The following CLVS1 variants were observed in gnomAD, a reference collection of about 807,000 sequenced individuals.
The protein encoded by CLVS1 is clavesin-1.
In CLVS1, 10 loss-of-function variants were observed where a neutral mutation model predicts 33.1. That is an observed-to-expected ratio of 0.30 (90% confidence interval 0.19 to 0.51). CLVS1 has a LOEUF of 0.51. Ranked by LOEUF, CLVS1 falls within the 20% of genes least tolerant of loss-of-function variation. The pLI is 0.97. For synonymous variants in CLVS1, 163 were observed against 166.1 expected (o/e 0.98, Z 0.14); for missense variants, 343 against 433.4 (o/e 0.79, Z 1.85).
chr8:61,022,903 A>C, the CLVS1 span, among the ~76,000 whole-genome samples: 2 of 152,066 alleles, frequency 1.3e-5, no homozygotes, highest in African/African-American at 4.8e-5. Flanking sequence ...ATCTGTGCAA[A>C]CACATAATGT....
chr8:61,190,753 C>T (rs1418371057), intron 2 of CLVS1, among the ~76,000 whole-genome samples: 1 of 152,162 alleles, frequency 6.6e-6, no homozygotes, highest in African/African-American at 2.4e-5. Flanking sequence ...GCCCTCTATG[C>T]AAATAAACTA....
At chr8:61,310,447 G>A (rs1395162372) in intron 2 of CLVS1, among the ~76,000 whole-genome samples, 5 of 152,180 alleles carry the variant, frequency 3.3e-5, no homozygotes, top group Admixed American at 6.5e-5. Flanking sequence ...ACACTGTGCT[G>A]CACAGCTTAT....
the CLVS1 span, among the ~76,000 whole-genome samples, chr8:61,035,469 C>T: frequency 6.6e-6 from 1 of 152,072 alleles, no homozygotes; most frequent in African/African-American, 2.4e-5. Flanking sequence ...TGAATCTGAT[C>T]CTAAAGAGTA....
At chr8:61,440,386 A>G (rs1368664107) in intron 3 of CLVS1, among the ~76,000 whole-genome samples, 1 of 152,230 alleles carries the variant, frequency 6.6e-6, no homozygotes, top group East Asian at 1.9e-4. Flanking sequence ...CTCTTAAATT[A>G]TATCTGTTAA....
chr8:61,010,695 C>T, the CLVS1 span, among the ~76,000 whole-genome samples: 1 of 152,206 alleles, frequency 6.6e-6, no homozygotes, highest in Non-Finnish European at 1.5e-5. Flanking sequence ...ATCCACCATA[C>T]CTGCTCTACT....
intron 5 of CLVS1, among the ~76,000 whole-genome samples, chr8:61,483,878 G>T (rs924903164): frequency 5.3e-5 from 8 of 152,182 alleles, no homozygotes; most frequent in East Asian, 1.9e-4. Flanking sequence ...TGCAGAAAAG[G>T]CTCCGACAAA....
At chr8:61,118,889 C>A (rs1015182827) in intron 1 of CLVS1, among the ~76,000 whole-genome samples, 21 of 151,964 alleles carry the variant, frequency 1.4e-4, no homozygotes, top group Admixed American at 2.0e-4. Context: ...CTATTAGGTC[C>A]GCTTGGTGCA....
At chr8:61,116,547 A>G (rs1436097991) in intron 1 of CLVS1, among the ~76,000 whole-genome samples, 1 of 152,290 alleles carries the variant, frequency 6.6e-6, no homozygotes, top group East Asian at 1.9e-4. Context: ...TGATTTTTGT[A>G]TAAGGTGTAA....
intron 2 of CLVS1, among the ~76,000 whole-genome samples, chr8:61,238,259 C>T (rs989420680): frequency 4.0e-5 from 6 of 151,332 alleles, no homozygotes; most frequent in African/African-American, 1.2e-4. Flanking sequence ...TCCTTCCTTT[C>T]CTCCCTCTAG....
At chr8:61,478,784 G>A (rs954190582) in intron 5 of CLVS1, among the ~76,000 whole-genome samples, 1 of 152,144 alleles carries the variant, frequency 6.6e-6, no homozygotes, top group African/African-American at 2.4e-5. Context: ...TTGCCAGTCT[G>A]TGTCTTTTAA....
chr8:61,243,234 A>G (rs764383423), intron 2 of CLVS1, among the ~76,000 whole-genome samples: 1 of 152,204 alleles, frequency 6.6e-6, no homozygotes, highest in Non-Finnish European at 1.5e-5. Context: ...AGTATTGTAC[A>G]TATTTAACAT....
chr8:61,126,877 A>C (rs527868120), intron 1 of CLVS1, among the ~76,000 whole-genome samples: 7 of 152,366 alleles, frequency 4.6e-5, no homozygotes, highest in African/African-American at 1.7e-4. Flanking sequence ...AAAAAGAGAA[A>C]AAATGGTATT....
intron 3 of CLVS1, among the ~76,000 whole-genome samples, chr8:61,449,458 G>A (rs1317442562): frequency 6.6e-6 from 1 of 152,140 alleles, no homozygotes; most frequent in Non-Finnish European, 1.5e-5. Flanking sequence ...ACATTACTCT[G>A]GCAGGGATGT....
At chr8:61,381,817 C>T (rs988096789) in intron 3 of CLVS1, among the ~76,000 whole-genome samples, 2 of 152,126 alleles carry the variant, frequency 1.3e-5, no homozygotes, top group African/African-American at 2.4e-5. Flanking sequence ...ATATTTATCA[C>T]ATTTTCTTCA....
intron 2 of CLVS1, among the ~76,000 whole-genome samples, chr8:61,333,645 A>T (rs2129597469): frequency 6.6e-6 from 1 of 152,216 alleles, no homozygotes; most frequent in East Asian, 1.9e-4. Flanking sequence ...CGCAATGGGG[A>T]GAACTCTGGG....
the CLVS1 span, among the ~76,000 whole-genome samples, chr8:61,003,591 A>G: frequency 1.3e-5 from 2 of 152,242 alleles, no homozygotes; most frequent in Non-Finnish European, 2.9e-5. Flanking sequence ...TAGATCTACC[A>G]GTGCCTTATG....
chr8:61,267,611 T>A (rs550959219), intron 2 of CLVS1, among the ~76,000 whole-genome samples: 32 of 152,304 alleles, frequency 2.1e-4, no homozygotes, highest in African/African-American at 7.7e-4. Flanking sequence ...CTTAAACAGC[T>A]GTGATTTAAA....
chr8:61,090,603 G>A (rs1283596145), intron 1 of CLVS1, among the ~76,000 whole-genome samples: 1 of 152,104 alleles, frequency 6.6e-6, no homozygotes, highest in African/African-American at 2.4e-5. Context: ...GCCCTGAAAT[G>A]CAATGGAGTT....
the CLVS1 span, among the ~76,000 whole-genome samples, chr8:60,991,258 A>G: frequency 2.6e-5 from 4 of 152,214 alleles, no homozygotes; most frequent in Admixed American, 2.0e-4. Flanking sequence ...TACTTTTTGT[A>G]TAGGTAAAGA....
Sources: gnomAD v4.1 joint callset for allele counts (sites outside exome capture counted in the v4.1 genomes callset) on GRCh38, gnomAD v4.1.1 for gene constraint, MANE v1.5 for transcripts, NCBI Gene and HGNC (gene_info 2026-07-23, HGNC 2026-07-21) for gene names.